TBC1D19: variants seen among roughly 807,000 people sequenced by gnomAD.
TBC1D19 encodes the protein TBC1 domain family member 19.
Under a neutral mutation model 89.0 loss-of-function variants are expected in TBC1D19, and 60 were observed. The observed-to-expected ratio is 0.67, with a 90% CI of 0.55 to 0.84. TBC1D19 has a LOEUF of 0.84. Ranked by LOEUF, TBC1D19 falls within the 40% of genes least tolerant of loss-of-function variation. The pLI is 0.00. For synonymous variants in TBC1D19, 189 were observed against 199.7 expected (o/e 0.95, Z 0.45); for missense variants, 500 against 610.8 (o/e 0.82, Z 1.91).
intron 11 of TBC1D19, among the ~76,000 whole-genome samples, chr4:26,678,431 G>A (rs887713398): frequency 1.3e-5 from 2 of 152,150 alleles, no homozygotes; most frequent in South Asian, 2.1e-4. Flanking sequence ...CAAATTTAAA[G>A]GGGAAAGAGC....
the TBC1D19 span, among the ~76,000 whole-genome samples, chr4:26,770,250 G>A: frequency 6.6e-6 from 1 of 152,030 alleles, no homozygotes; most frequent in Non-Finnish European, 1.5e-5. Context: ...TAGGTTAAAA[G>A]TAAAAGGGTG....
At chr4:26,719,947 T>G in intron 14 of TBC1D19, 134 bp from the exon 15 acceptor site, 1 of 600,392 alleles carries the variant, frequency 1.7e-6, no homozygotes, top group Non-Finnish European at 2.7e-6. Flanking sequence ...TTAAGTTAAT[T>G]TCATATCATG....
chr4:26,592,994 A>C (rs1739925385), intron 1 of TBC1D19, among the ~76,000 whole-genome samples: 1 of 152,078 alleles, frequency 6.6e-6, no homozygotes, highest in African/African-American at 2.4e-5. Context: ...GCTACTTTAA[A>C]GTTCATATGG....
the TBC1D19 span, among the ~76,000 whole-genome samples, chr4:26,848,180 C>T: frequency 2.0e-5 from 3 of 152,306 alleles, no homozygotes; most frequent in East Asian, 5.8e-4. Flanking sequence ...TATGGCTGGG[C>T]ATCACCCAAT....
At chr4:26,711,679 C>A (rs908076161) in intron 13 of TBC1D19, among the ~76,000 whole-genome samples, 2 of 151,942 alleles carry the variant, frequency 1.3e-5, no homozygotes. Flanking sequence ...GTAGCTTCAT[C>A]CTGATGAAGT....
intron 12 of TBC1D19, among the ~76,000 whole-genome samples, chr4:26,685,403 C>T (rs1386758208): frequency 6.6e-6 from 1 of 152,338 alleles, no homozygotes; most frequent in East Asian, 1.9e-4. Context: ...CCTCCCTCTG[C>T]TCCAGCTCCT....
At chr4:26,701,540 T>C (rs768305317) in intron 13 of TBC1D19, among the ~76,000 whole-genome samples, 5 of 152,192 alleles carry the variant, frequency 3.3e-5, no homozygotes, top group Non-Finnish European at 7.3e-5. Context: ...GTACTTGTTT[T>C]CATTGATGGG....
At chr4:26,760,971 C>T (rs143758540), downstream of TBC1D19, among the ~76,000 whole-genome samples, 81 of 152,142 alleles carry the variant, frequency 5.3e-4, no homozygotes, top group Non-Finnish European at 5.0e-4. Context: ...GCTGAAGAGA[C>T]TGTCTTTTCC....
intron 19 of TBC1D19, among the ~76,000 whole-genome samples, chr4:26,749,602 A>G (rs1054171699): frequency 1.3e-5 from 2 of 151,938 alleles, no homozygotes; most frequent in Non-Finnish European, 2.9e-5. Context: ...GCCTGCCACC[A>G]CACTCAGGTA....
the TBC1D19 span, among the ~76,000 whole-genome samples, chr4:26,778,565 A>G: frequency 6.6e-6 from 1 of 152,184 alleles, no homozygotes; most frequent in Non-Finnish European, 1.5e-5. Flanking sequence ...GGTCTGCTCA[A>G]CTATGAATCT....
chr4:26,705,236 T>A (rs1320990162), intron 13 of TBC1D19, among the ~76,000 whole-genome samples: 1 of 152,160 alleles, frequency 6.6e-6, no homozygotes, highest in Non-Finnish European at 1.5e-5. Flanking sequence ...GTGAGTTGAC[T>A]TTTTACTCTG....
intron 1 of TBC1D19, among the ~76,000 whole-genome samples, chr4:26,603,300 C>A (rs552779859): frequency 2.0e-5 from 3 of 152,014 alleles, no homozygotes; most frequent in East Asian, 3.9e-4. Flanking sequence ...CTTAGTTAAC[C>A]AATATATTTG....
intron 3 of TBC1D19, among the ~76,000 whole-genome samples, chr4:26,619,944 G>C (rs1486825597): frequency 6.6e-6 from 1 of 152,214 alleles, no homozygotes; most frequent in Non-Finnish European, 1.5e-5. Context: ...CTGTTTTGCT[G>C]TAGGTACAAG....
intron 1 of TBC1D19, among the ~76,000 whole-genome samples, chr4:26,602,403 A>G (rs1450327855): frequency 1.3e-5 from 2 of 150,584 alleles, no homozygotes; most frequent in Non-Finnish European, 3.0e-5. Flanking sequence ...CTTAAACCAT[A>G]TCAAGAAACT....
chr4:26,770,158 G>A, the TBC1D19 span, among the ~76,000 whole-genome samples: 1 of 151,742 alleles, frequency 6.6e-6, no homozygotes, highest in Non-Finnish European at 1.5e-5. Context: ...TTAAAAGGCA[G>A]AGATTGTCAG....
the TBC1D19 span, among the ~76,000 whole-genome samples, chr4:26,793,951 T>C: frequency 6.6e-6 from 1 of 152,108 alleles, no homozygotes. Context: ...CCATCTTGGG[T>C]CATGTGACCA....
chr4:26,822,665 T>A, the TBC1D19 span, among the ~76,000 whole-genome samples: 1 of 152,090 alleles, frequency 6.6e-6, no homozygotes, highest in Admixed American at 6.5e-5. Flanking sequence ...TGGTTAACGT[T>A]GAGATGCGGT....
chr4:26,647,712 C>G (rs1744069731), intron 7 of TBC1D19, among the ~76,000 whole-genome samples: 1 of 152,124 alleles, frequency 6.6e-6, no homozygotes, highest in Admixed American at 6.5e-5. Context: ...ACTTTAGCCT[C>G]CTTGCTTACC....
chr4:26,850,913 A>T, the TBC1D19 span, among the ~76,000 whole-genome samples: 1 of 152,116 alleles, frequency 6.6e-6, no homozygotes, highest in Non-Finnish European at 1.5e-5. Context: ...CTGGTATGTG[A>T]GTTGGTGGAC....
Sources: gnomAD v4.1 joint callset for allele counts (sites outside exome capture counted in the v4.1 genomes callset) on GRCh38, gnomAD v4.1.1 for gene constraint, MANE v1.5 for transcripts, NCBI Gene and HGNC (gene_info 2026-07-23, HGNC 2026-07-21) for gene names.